OR5H14: variants seen among roughly 807,000 people sequenced by gnomAD.
The protein encoded by OR5H14 is olfactory receptor 5H14.
For synonymous variants in OR5H14, 155 were observed against 130.6 expected, an observed-to-expected ratio of 1.19 and a Z score of -1.28; for missense variants, 392 against 363.9, an observed-to-expected ratio of 1.08 and a Z score of -0.63.
chr3:98,153,916 A>G lies in OR5H14; in HGVS notation c.*3598A>G, dbSNP rs1708542545. ...AGATAAGAAAACTCAAAGATAACAG[A>G]CAGAACTTGAATTTAATAATGAATG... On this transcript the variant is annotated 3_prime_UTR_variant, in exon 2 of 2. Coordinates refer to ENST00000641380, the MANE Select transcript of OR5H14 (RefSeq NM_001005514.2). 6.6e-6 allele frequency: 1 copy of G among 152,324 alleles called. No homozygotes were observed. Among genetic ancestry groups the G allele is most frequent in the East Asian group, 1.9e-4 (1 of 5,182 alleles). The allele number at this position is 152,324 out of a possible 1,614,324, so 9.4% of individuals were successfully genotyped here. A position where few individuals can be genotyped will look rare whatever the true frequency, so the allele number is the denominator to read the frequency against.
Position 98,152,067 on chromosome 3 carries a change from C to G in OR5H14, c.*1749C>G, listed in dbSNP as rs1171958679. ...ATGTGAAAACCTTGTCATCACTGGT[C>G]ATTACAGAAATGCAAATCAAAACCA... On this transcript the variant is annotated 3_prime_UTR_variant, in exon 2 of 2. Transcript: ENST00000641380. 1.3e-5 allele frequency: 2 copies of G among 152,148 alleles called. No homozygotes were observed. Among genetic ancestry groups the G allele is most frequent in the African/African-American group, 2.4e-5 (1 of 41,438 alleles). 9.4% of individuals were successfully genotyped at this position (152,148 alleles called of 1,614,324 possible). A position where few individuals can be genotyped will look rare whatever the true frequency, so the allele number is the denominator to read the frequency against.
In OR5H14 at chr3:98,150,381, C is replaced by G. The variant is rs1331186179; in HGVS notation, c.*63C>G. On this transcript the variant is annotated 3_prime_UTR_variant, in exon 2 of 2. Transcript: ENST00000641380. ...CACAAAATTGTGCAAATTAGAGGTACCTATGTTTTTGCCAGCATTAAAAGA... is the reference window on the plus strand; with the variant it reads ...CACAAAATTGTGCAAATTAGAGGTAGCTATGTTTTTGCCAGCATTAAAAGA... The G allele has an allele frequency of 8.6e-7, 1 of 1,166,042 alleles. No homozygotes were observed. The highest frequency in any genetic ancestry group is 2.6e-5 in the East Asian group (1 of 38,736). 72.2% of individuals were successfully genotyped at this position (1,166,042 alleles called of 1,614,324 possible). A position where few individuals can be genotyped will look rare whatever the true frequency, so the allele number is the denominator to read the frequency against.
chr3:98,149,543 C>T lies in OR5H14; in HGVS notation c.158C>T (p.Pro53Leu). The change falls in exon 2 of 2, where the codon CCT becomes CTT. Residue 53 changes from proline (P) to leucine (L), a missense_variant. Transcript: ENST00000641380. ...LGLIAVIWKD[P>L]HLHIPMYLLL... ...CTGATTGCTGTCATCTGGAAAGACC[C>T]TCATCTTCATATCCCAATGTACTTA... The T allele has an allele frequency of 6.2e-7, 1 of 1,613,488 alleles. No individual in the cohort carries two copies. The highest frequency in any genetic ancestry group is 8.5e-7 in the Non-Finnish European group (1 of 1,179,572).
In OR5H14 at chr3:98,155,659, G is replaced by A. The variant is rs1019232459; in HGVS notation, c.*5341G>A. 1 of 152,246 alleles carries A rather than the reference G, an allele frequency of 6.6e-6. No individual in the cohort carries two copies. Among genetic ancestry groups the A allele is most frequent in the Non-Finnish European group, 1.5e-5 (1 of 68,054 alleles). The allele number at this position is 152,246 out of a possible 1,614,324, so 9.4% of individuals were successfully genotyped here. On this transcript the variant is annotated 3_prime_UTR_variant, in exon 2 of 2. Transcript: ENST00000641380. Reference sequence around the variant, plus strand: ...CTGGAGTTTCAGCTGCAGTTTGAAGGAGGAGGACAATTTTACAAGTTTACT... The same window carrying A: ...CTGGAGTTTCAGCTGCAGTTTGAAGAAGGAGGACAATTTTACAAGTTTACT...
At position 98,154,149 on chromosome 3, in the gene OR5H14, G is replaced by T. The variant is rs1001202291; in HGVS notation, c.*3831G>T. The T allele has an allele frequency of 4.6e-5, 7 of 152,158 alleles. No individual in the cohort carries two copies. Among genetic ancestry groups the T allele is most frequent in the African/African-American group, 1.7e-4 (7 of 41,428 alleles). 9.4% of individuals were successfully genotyped at this position (152,158 alleles called of 1,614,324 possible). ...ATCATACTTTTAATTTTGCCTTATA[G>T]TCAGAGATTAATTCCTGTTTTGTTT... On this transcript the variant is annotated 3_prime_UTR_variant, in exon 2 of 2. Transcript: ENST00000641380.
In OR5H14 at chr3:98,152,113, C is replaced by T. The variant is rs1288020062; in HGVS notation, c.*1795C>T. On this transcript the variant is annotated 3_prime_UTR_variant, in exon 2 of 2. Coordinates refer to ENST00000641380, the MANE Select transcript of OR5H14 (RefSeq NM_001005514.2). ...AACCACAGTGAGATACCATCTCACG[C>T]CAGTTAGAATGGCAATCATTAGAAA... The T allele has an allele frequency of 1.3e-5, 2 of 152,126 alleles. No individual in the cohort carries two copies. The allele number at this position is 152,126 out of a possible 1,614,324, so 9.4% of individuals were successfully genotyped here. A position where few individuals can be genotyped will look rare whatever the true frequency, so the allele number is the denominator to read the frequency against.
rs1708526979 is a variant in OR5H14, at chr3:98,152,888, A to C, written c.*2570A>C. On this transcript the variant is annotated 3_prime_UTR_variant, in exon 2 of 2. Coordinates refer to ENST00000641380, the MANE Select transcript of OR5H14 (RefSeq NM_001005514.2). ...CTTAGGTAGAAACCCATTTTGCTGG[A>C]GCCACCTCAGCCCAATGTACTTCAA... 2.0e-5 allele frequency: 3 copies of C among 152,098 alleles called. No homozygotes were observed. The highest frequency in any genetic ancestry group is 1.3e-4 in the Admixed American group (2 of 15,266). The allele number at this position is 152,098 out of a possible 1,614,324, so 9.4% of individuals were successfully genotyped here.
In OR5H14 at chr3:98,149,475, A is replaced by G. The variant is rs1708467817; in HGVS notation, c.90A>G (p.Ala30=). ...QPQWKIPLFL[A]FLVIYLITIM... The stretch of plus-strand genomic sequence containing the variant: ...AGTGGAAAATACCCCTGTTCCTGGC[A>G]TTCTTGGTAATATATCTCATCACCA... Residue 30 remains alanine (A), a synonymous_variant, in exon 2 of 2, where the codon GCA becomes GCG. Transcript: ENST00000641380. 6.2e-7 allele frequency: 1 copy of G among 1,613,386 alleles called. No homozygotes were observed. Among genetic ancestry groups the G allele is most frequent in the African/African-American group, 1.3e-5 (1 of 74,870 alleles).
Position 98,150,584 on chromosome 3 carries a change from T to C in OR5H14, c.*266T>C, listed in dbSNP as rs1050790862. On this transcript the variant is annotated 3_prime_UTR_variant, in exon 2 of 2. Transcript: ENST00000641380. ...TTGTACAGTATGGTATGTTAATCAC[T>C]GTGTCTTATAAATGCATTAAATGCA... The C allele has an allele frequency of 1.3e-4, 33 of 262,448 alleles. No individual in the cohort carries two copies. Among genetic ancestry groups the C allele is most frequent in the Non-Finnish European group, 1.5e-4 (21 of 138,666 alleles). The allele number at this position is 262,448 out of a possible 1,614,324, so 16.3% of individuals were successfully genotyped here.
rs137868137 is a variant in OR5H14, at chr3:98,150,099, C to T, written c.714C>T (p.Phe238=). The T allele has an allele frequency of 3.2e-4, 514 of 1,610,340 alleles. 5 individuals are homozygous for T. In the South Asian group the frequency reaches 4.5e-3, roughly 14 times the overall value. ...KKSVKGMRKA[F]STCGAHLLSV... ...CTGTCAAAGGTATGAGAAAAGCCTT[C>T]TCCACCTGTGGAGCTCATCTCTTAT... The change falls in exon 2 of 2, where the codon TTC becomes TTT. Residue 238 remains phenylalanine (F), a synonymous_variant. Transcript: ENST00000641380.
At position 98,153,391 on chromosome 3, in the gene OR5H14, A is replaced by G. The variant is rs1380281946; in HGVS notation, c.*3073A>G. ...GAGGTCAGGAGTTCCAGACAAGCCT[A>G]GCCAACATGGTGAAACCCCATCTTT... On this transcript the variant is annotated 3_prime_UTR_variant, in exon 2 of 2. Coordinates refer to ENST00000641380, the MANE Select transcript of OR5H14 (RefSeq NM_001005514.2). 6.6e-6 allele frequency: 1 copy of G among 152,186 alleles called. No homozygotes were observed. The highest frequency in any genetic ancestry group is 2.4e-5 in the African/African-American group (1 of 41,450). 9.4% of individuals were successfully genotyped at this position (152,186 alleles called of 1,614,324 possible).
rs1290992225 is a variant in OR5H14 at position 98,149,880 on chromosome 3, A to G, written c.495A>G (p.Arg165=). 6.2e-7 allele frequency: 1 copy of G among 1,612,982 alleles called. No homozygotes were observed. The highest frequency in any genetic ancestry group is 8.5e-7 in the Non-Finnish European group (1 of 1,179,760). The part of the protein sequence containing the change: ...HALIHEGFLF[R]LTFCNSNIIQ... ...TAATCCATGAAGGATTTTTATTCAG[A>G]CTAACCTTCTGTAACTCCAACATAA... is the stretch of plus-strand genomic sequence containing the variant. The change falls in exon 2 of 2, where the codon AGA becomes AGG. Residue 165 remains arginine (R), a synonymous_variant. Transcript: ENST00000641380.
At position 98,150,201 on chromosome 3, in the gene OR5H14, G is replaced by A. The variant is rs753877338; in HGVS notation, c.816G>A (p.Met272Ile). The A allele has an allele frequency of 6.2e-7, 1 of 1,612,940 alleles. No individual in the cohort carries two copies. The highest frequency in any genetic ancestry group is 1.1e-5 in the South Asian group (1 of 90,994). Residue 272 changes from methionine (M) to isoleucine (I), a missense_variant, in exon 2 of 2, where the codon ATG becomes ATA. By Grantham distance (10) the Met-to-Ile change is conservative (BLOSUM62 1). Transcript: ENST00000641380. The part of the protein sequence containing the change: ...SASPQADDQD[M>I]MESLFYTVIV... ...CCCCACAGGCTGATGACCAAGATAT[G>A]ATGGAGTCTCTATTTTACACTGTCA... is the stretch of plus-strand genomic sequence containing the variant.
chr3:98,148,460 G>A (rs567500238), intron 1 of OR5H14, among the ~76,000 whole-genome samples: 21 of 152,010 alleles, frequency 1.4e-4, no homozygotes, highest in African/African-American at 4.8e-4. Flanking sequence ...ATTGCTGATT[G>A]GATCTCACCT....
rs200647733 is a variant in OR5H14 at position 98,154,789 on chromosome 3, T to C, written c.*4471T>C. 26,702 of 149,468 alleles carry C rather than the reference T, an allele frequency of 0.18. No homozygotes were observed. Among genetic ancestry groups the C allele is most frequent in the East Asian group, 0.37 (1,860 of 5,036 alleles). 9.3% of individuals were successfully genotyped at this position (149,468 alleles called of 1,614,324 possible). On this transcript the variant is annotated 3_prime_UTR_variant, in exon 2 of 2. Coordinates refer to ENST00000641380, the MANE Select transcript of OR5H14 (RefSeq NM_001005514.2). ...AGCTGCCCTTCTTCATTCCTGAGTG[T>C]AGGTCCAACTACCTCTGGGAGGAAT...
rs1559809606 is a variant in OR5H14, at chr3:98,155,252, G to A, written c.*4934G>A. On this transcript the variant is annotated 3_prime_UTR_variant, in exon 2 of 2. Coordinates refer to ENST00000641380, the MANE Select transcript of OR5H14 (RefSeq NM_001005514.2). ...AGAAAACCCTACCCTCTGGATTTTT[G>A]GAAAGGGTGATCTGAGTAATAATAA... The A allele has an allele frequency of 6.6e-6, 1 of 152,124 alleles. No homozygotes were observed. Among genetic ancestry groups the A allele is most frequent in the Non-Finnish European group, 1.5e-5 (1 of 68,028 alleles). 9.4% of individuals were successfully genotyped at this position (152,124 alleles called of 1,614,324 possible). A position where few individuals can be genotyped will look rare whatever the true frequency, so the allele number is the denominator to read the frequency against.
rs1306910376 is a variant in OR5H14 at position 98,151,712 on chromosome 3, G to T, written c.*1394G>T. 1.3e-5 allele frequency: 2 copies of T among 152,136 alleles called. No homozygotes were observed. Among genetic ancestry groups the T allele is most frequent in the African/African-American group, 2.4e-5 (1 of 41,440 alleles). The allele number at this position is 152,136 out of a possible 1,614,324, so 9.4% of individuals were successfully genotyped here. A position where few individuals can be genotyped will look rare whatever the true frequency, so the allele number is the denominator to read the frequency against. On this transcript the variant is annotated 3_prime_UTR_variant, in exon 2 of 2. Transcript: ENST00000641380. ...GAAAGGCTTTTGTTGATTTAATGCG[G>T]AAGTACGTTAAAAAGAAACTTTTTT...
rs1189388585 is a variant in OR5H14 at position 98,150,678 on chromosome 3, G to A, written c.*360G>A. 11 of 158,814 alleles carry A rather than the reference G, an allele frequency of 6.9e-5. No homozygotes were observed. The highest frequency in any genetic ancestry group is 2.0e-4 in the South Asian group (1 of 5,010). The allele number at this position is 158,814 out of a possible 1,614,324, so 9.8% of individuals were successfully genotyped here. On this transcript the variant is annotated 3_prime_UTR_variant, in exon 2 of 2. Transcript: ENST00000641380. ...TGATACTAACACAACTGTATGACCC[G>A]AGACGTCTATCACATTTATCTTCAT...
rs76146040 is a variant in OR5H14, at chr3:98,150,087, G to A, written c.702G>A (p.Met234Ile). 9,972 of 1,609,466 alleles carry A rather than the reference G, an allele frequency of 6.2e-3. 375 individuals are homozygous for A. The African/African-American group carries it at 0.098, about 16-fold the overall frequency. ...TGAAAAAGAAGTCTGTCAAAGGTAT[G>A]AGAAAAGCCTTCTCCACCTGTGGAG... ...TILKKKSVKG[M>I]RKAFSTCGAH... The change falls in exon 2 of 2, where the codon ATG becomes ATA. Residue 234 changes from methionine (M) to isoleucine (I), a missense_variant. Transcript: ENST00000641380.
Sources: allele counts gnomAD v4.1 joint callset (sites outside exome capture counted in the v4.1 genomes callset), GRCh38; gene constraint gnomAD v4.1.1; transcripts MANE v1.5; gene names NCBI Gene and HGNC (gene_info 2026-07-23, HGNC 2026-07-21).